WDR26: variants seen among roughly 807,000 people sequenced by gnomAD.
WDR26 encodes the protein WD repeat-containing protein 26.
A neutral mutation model predicts 84.1 loss-of-function variants in WDR26; 5 were observed. That is an observed-to-expected ratio of 0.06 (90% CI 0.03 to 0.13). The LOEUF (loss-of-function observed/expected upper bound fraction) is 0.13. Ranked by LOEUF, WDR26 falls within the 10% of genes least tolerant of loss-of-function variation. The probability of loss-of-function intolerance (pLI) is 1.00; values close to 1 mark genes in which losing one functional copy is unlikely to be tolerated. For synonymous variants in WDR26, 415 were observed against 389.6 expected (o/e 1.07, Z -0.77); for missense variants, 642 against 974.9 (o/e 0.66, Z 4.55).
At chr1:224,401,987 A>T (rs1164614517) in intron 8 of WDR26, 1 of 152,222 alleles carries the variant, frequency 6.6e-6, no homozygotes. Context: ...TACTCAACTT[A>T]GAAGGTATAC....
chr1:224,399,143 T>C, intron 9 of WDR26, 109 bp from the exon 10 acceptor site: 1 of 1,072,114 alleles, frequency 9.3e-7, no homozygotes, highest in East Asian at 3.0e-5. Flanking sequence ...GGTTTTTTTT[T>C]TTTCCTGAGA....
intron 4 of WDR26, among the ~76,000 whole-genome samples, chr1:224,421,646 C>T (rs1317758936): frequency 6.6e-6 from 1 of 152,122 alleles, no homozygotes; most frequent in Non-Finnish European, 1.5e-5. Flanking sequence ...AAACATCTAG[C>T]AGGCCAGGTG....
intron 6 of WDR26, among the ~76,000 whole-genome samples, chr1:224,417,672 C>A (rs771780304): frequency 6.6e-6 from 1 of 152,192 alleles, no homozygotes; most frequent in Non-Finnish European, 1.5e-5. Context: ...TGCACTCTAT[C>A]CTGGGCAACA....
rs1209246126 is a variant in WDR26 at position 224,420,070 on chromosome 1, CTAACT to C, written c.1065-460_1065-456del. ...GTAGAACTTGCTCTTAACCACTAGG[CTAACT>C]TAACTACTTCTGAATAGTAAAATAA... On this transcript the variant is annotated intron_variant, in intron 4 of 13. Transcript: ENST00000414423. Among the ~76,000 whole-genome samples, 12 of 152,118 alleles carry C rather than the reference CTAACT, an allele frequency of 7.9e-5. 1 individual carries two copies. The South Asian group carries it at 1.9e-3, about 24-fold the overall frequency.
chr1:224,394,671 A>AT (rs1297738864), intron 12 of WDR26, among the ~76,000 whole-genome samples: 2 of 151,774 alleles, frequency 1.3e-5, no homozygotes, highest in Non-Finnish European at 2.9e-5. Flanking sequence ...TGCCCGGCTA[A>AT]TTTTTTGTAT....
intron 7 of WDR26, among the ~76,000 whole-genome samples, chr1:224,409,781 T>C (rs867421529): frequency 6.6e-6 from 1 of 151,880 alleles, no homozygotes; most frequent in African/African-American, 2.4e-5. Flanking sequence ...AAGAATCTCT[T>C]GAACCTGGGA....
intron 7 of WDR26, among the ~76,000 whole-genome samples, chr1:224,409,863 A>T (rs901708106): frequency 6.6e-6 from 1 of 151,350 alleles, no homozygotes; most frequent in Admixed American, 6.6e-5. Flanking sequence ...ATACTGTCTC[A>T]GAGAAAAAAA....
In WDR26 at chr1:224,411,423, A is replaced by C; in HGVS notation, c.1458+4T>G. 2.5e-6 allele frequency: 4 copies of C among 1,607,822 alleles called. No homozygotes were observed. Among genetic ancestry groups the C allele is most frequent in the Non-Finnish European group, 3.4e-6 (4 of 1,178,088 alleles). On this transcript the variant is annotated splice_donor_region_variant and intron_variant, in intron 7 of 13. Coordinates refer to ENST00000414423, the MANE Select transcript of WDR26 (RefSeq NM_001379403.1). ...AATATAAACACTCATATTGGGGTAC[A>C]TACCGGATCAACTTGCCATATGATA...
intron 3 of WDR26, among the ~76,000 whole-genome samples, chr1:224,428,557 T>C (rs1187593374): frequency 3.3e-5 from 5 of 152,124 alleles, no homozygotes; most frequent in Admixed American, 2.6e-4. Flanking sequence ...CGTATACCCA[T>C]CCAAATTGCC....
At chr1:224,405,427 G>C (rs2102898625) in intron 7 of WDR26, among the ~76,000 whole-genome samples, 1 of 151,970 alleles carries the variant, frequency 6.6e-6, no homozygotes, top group Admixed American at 6.6e-5. Flanking sequence ...ATTTCTCTTG[G>C]GTATATACAT....
rs1368054750 is a variant in WDR26, at chr1:224,434,353, G to C, written c.53C>G (p.Ser18Trp). Residue 18 changes from serine (S) to tryptophan (W), a missense_variant, in exon 1 of 14, where the codon TCG (serine) becomes TGG (tryptophan). Ser to Trp is a radical substitution (Grantham distance 177, BLOSUM62 -3). Coordinates refer to ENST00000414423, the MANE Select transcript of WDR26 (RefSeq NM_001379403.1). ...GGGCGGGGAGGCTCCGCCGGTGTCC[G>C]AGTCGGAGGAGGAGGAAGCGGAGGC... The C allele has an allele frequency of 8.2e-7, 1 of 1,223,684 alleles. No individual in the cohort carries two copies. Among genetic ancestry groups the C allele is most frequent in the Non-Finnish European group, 1.0e-6 (1 of 983,398 alleles). 75.8% of individuals were successfully genotyped at this position (1,223,684 alleles called of 1,614,324 possible). A position where few individuals can be genotyped will look rare whatever the true frequency, so the allele number is the denominator to read the frequency against.
intron 8 of WDR26, 97 bp from the exon 9 acceptor site, chr1:224,401,166 C>T (rs1420536049): frequency 4.1e-6 from 5 of 1,224,136 alleles, no homozygotes; most frequent in Non-Finnish European, 5.7e-6. Context: ...GGCTGGTTTC[C>T]CAGTTCATTC....
chr1:224,417,942 GA>G (rs1226002304), intron 6 of WDR26, among the ~76,000 whole-genome samples: 2 of 152,132 alleles, frequency 1.3e-5, no homozygotes, highest in East Asian at 3.9e-4. Flanking sequence ...CTTTCATTAA[GA>G]AAAAAGTATT....
At chr1:224,432,116 CT>C (rs1674408436) in intron 1 of WDR26, among the ~76,000 whole-genome samples, 1 of 152,164 alleles carries the variant, frequency 6.6e-6, no homozygotes. Flanking sequence ...AATCAACATA[CT>C]ACGTTACATT....
chr1:224,404,865 TAGAA>T (rs899558153), intron 7 of WDR26, among the ~76,000 whole-genome samples: 3 of 152,204 alleles, frequency 2.0e-5, no homozygotes, highest in Non-Finnish European at 4.4e-5. Context: ...AATTTGACCT[TAGAA>T]AGCTTTCAAG....
intron 3 of WDR26, chr1:224,429,934 G>A (rs1013792720): frequency 6.6e-6 from 1 of 152,062 alleles, no homozygotes. Context: ...ATATAATTTG[G>A]GCGAAGCTTA....
At chr1:224,411,787 C>A (rs921016918) in intron 6 of WDR26, among the ~76,000 whole-genome samples, 11 of 151,660 alleles carry the variant, frequency 7.3e-5, no homozygotes, top group African/African-American at 2.4e-4. Context: ...ATCACTGTAG[C>A]CCTGACCGCC....
chr1:224,411,663 A>G, intron 6 of WDR26, 98 bp from the exon 7 acceptor site: 2 of 1,303,674 alleles, frequency 1.5e-6, no homozygotes, highest in East Asian at 2.6e-5. Flanking sequence ...TGAAGATCAC[A>G]TCACTAACTT....
chr1:224,404,463 A>G lies in WDR26; in HGVS notation c.1566T>C (p.Asp522=), dbSNP rs1673498980. 4 of 1,614,058 alleles carry G rather than the reference A, an allele frequency of 2.5e-6. No homozygotes were observed. Among genetic ancestry groups the G allele is most frequent in the African/African-American group, 2.7e-5 (2 of 74,946 alleles). Residue 522 remains aspartate (D), a synonymous_variant, in exon 8 of 14, where the codon GAT becomes GAC. Coordinates refer to ENST00000414423, the MANE Select transcript of WDR26 (RefSeq NM_001379403.1). ...TCCAAAGCCAAAGCTCAGAGCAGTC[A>G]TCTGGGCCACAAGCAACAAGATAGT...
Sources: gnomAD v4.1 joint callset for allele counts (sites outside exome capture counted in the v4.1 genomes callset) on GRCh38, gnomAD v4.1.1 for gene constraint, MANE v1.5 for transcripts, NCBI Gene and HGNC (gene_info 2026-07-23, HGNC 2026-07-21) for gene names.